Variants in CLN6 observed in about 807,000 individuals in gnomAD.
The protein encoded by CLN6 is CLN6 transmembrane ER protein.
In CLN6, 22 loss-of-function variants were observed where a neutral mutation model predicts 33.3. That is an observed-to-expected ratio of 0.66 (90% confidence interval 0.47 to 0.94). The LOEUF (loss-of-function observed/expected upper bound fraction) is 0.94. Ranked by LOEUF, CLN6 falls within the 40% of genes least tolerant of loss-of-function variation. The pLI is 0.00. For synonymous variants in CLN6, 201 were observed against 174.6 expected (o/e 1.15, Z -1.19); for missense variants, 387 against 417.1 (o/e 0.93, Z 0.63).
At chr15:68,216,379 A>G (rs1007503727) in intron 2 of CLN6, among the ~76,000 whole-genome samples, 10 of 152,180 alleles carry the variant, frequency 6.6e-5, no homozygotes, top group African/African-American at 2.4e-4. Context: ...AAACCCAACC[A>G]GATGCCCCAA....
rs1050324667 is a variant in CLN6 at position 68,227,037 on chromosome 15, T to C, written c.83+2465A>G. 1.8e-4 allele frequency among the ~76,000 whole-genome samples: 27 copies of C among 151,352 alleles called. No homozygotes were observed. Among genetic ancestry groups the C allele is most frequent in the African/African-American group, 6.6e-4 (27 of 41,034 alleles). ...AATTATAATACTTTCTTTTCTTTTC[T>C]TTTTTTACTTTTTTTTTTTTTTGAG... On this transcript the variant is annotated intron_variant, in intron 1 of 6. Coordinates refer to ENST00000249806, the MANE Select transcript of CLN6 (RefSeq NM_017882.3). This position sits in a 1 kb window ranked among gnomAD's most constrained non-coding sequence, Gnocchi z 4.1.
At chr15:68,244,945 T>C (rs188806448) in intron 1 of CLN6, among the ~76,000 whole-genome samples, 1 of 148,306 alleles carries the variant, frequency 6.7e-6, no homozygotes, top group Non-Finnish European at 1.5e-5. Context: ...TCCCACCTAC[T>C]TGGGACGCTG....
chr15:68,237,301 G>C (rs918915025), intron 1 of CLN6, among the ~76,000 whole-genome samples: 7 of 150,174 alleles, frequency 4.7e-5, no homozygotes, highest in African/African-American at 1.7e-4. Flanking sequence ...GCAACATAGC[G>C]AGACCCCTAT....
rs1446541596 is a variant in CLN6, at chr15:68,219,782, T to C, written c.84-1132A>G. On this transcript the variant is annotated intron_variant, in intron 1 of 6. Coordinates refer to ENST00000249806, the MANE Select transcript of CLN6 (RefSeq NM_017882.3). This position sits in a 1 kb window ranked among gnomAD's most constrained non-coding sequence, Gnocchi z 4.2. ...CTCTTTACAGAGTCCCTGCAATTAC[T>C]TGCACACCTCCAGGGACAAGCAGCC... Among the ~76,000 whole-genome samples the C allele has an allele frequency of 1.3e-5, 2 of 152,124 alleles. No individual in the cohort carries two copies. The highest frequency in any genetic ancestry group is 4.8e-5 in the African/African-American group (2 of 41,418).
intron 1 of CLN6, among the ~76,000 whole-genome samples, chr15:68,253,870 ATT>A (rs5813479): frequency 2.8e-5 from 4 of 141,852 alleles, no homozygotes; most frequent in Non-Finnish European, 3.0e-5. Flanking sequence ...ATAAAACTAC[ATT>A]TTTTTTTTTT....
chr15:68,218,316 T>A (rs1485327325), intron 2 of CLN6: 1 of 483,666 alleles, frequency 2.1e-6, no homozygotes, highest in Non-Finnish European at 3.9e-6. Context: ...AGTTCCCCCA[T>A]GAGAGTTGGG....
chr15:68,211,823 G>A lies in CLN6; in HGVS notation c.338C>T (p.Thr113Met), dbSNP rs758830997. ...RSPRTLPRSI[T>M]YVSIIIFIMG... Reference sequence around the variant, plus strand: ...GATGAAGATGATGATGCTCACGTACGTGATGGAGCGTGGCAGGGTGCGGGG... The same window carrying A: ...GATGAAGATGATGATGCTCACGTACATGATGGAGCGTGGCAGGGTGCGGGG... The change falls in exon 4 of 7, where the codon ACG becomes ATG. Residue 113 changes from threonine to methionine, a missense_variant. By Grantham distance (81) the Thr-to-Met change is moderately conservative. Coordinates refer to ENST00000249806, the MANE Select transcript of CLN6 (RefSeq NM_017882.3). The surrounding 1 kb of genome is among the most constrained non-coding windows in gnomAD (Gnocchi z 5.9). The A allele has an allele frequency of 1.9e-5, 31 of 1,613,816 alleles. No individual in the cohort carries two copies. Among genetic ancestry groups the A allele is most frequent in the South Asian group, 8.8e-5 (8 of 91,088 alleles).
rs1232177986 is a variant in CLN6 at position 68,242,005 on chromosome 15, A to G, written c.179+14685T>C. Reference sequence around the variant, plus strand: ...CCACACAGAGAAGACTAGAATAAATAAATAATCCTTCAATGCAAAGATGTA... The same window carrying G: ...CCACACAGAGAAGACTAGAATAAATGAATAATCCTTCAATGCAAAGATGTA... On this transcript the variant is annotated intron_variant, in intron 1 of 6. Coordinates refer to the CLN6 transcript ENST00000538696. The surrounding 1 kb of genome is among the most constrained non-coding windows in gnomAD (Gnocchi z 5.0). Among the ~76,000 whole-genome samples, 1 of 152,204 alleles carries G rather than the reference A, an allele frequency of 6.6e-6. No individual in the cohort carries two copies. The highest frequency in any genetic ancestry group is 1.5e-5 in the Non-Finnish European group (1 of 68,034).
In CLN6 at chr15:68,225,625, G is replaced by A. The variant is rs542698504; in HGVS notation, c.83+3877C>T. On this transcript the variant is annotated intron_variant, in intron 1 of 6. Transcript: ENST00000249806. Reference sequence around the variant, plus strand: ...AGCCTCCTGAGTAGCTGGGACCACAGAAAGGCATGTGCTGTCACACATGGC... The same window carrying A: ...AGCCTCCTGAGTAGCTGGGACCACAAAAAGGCATGTGCTGTCACACATGGC... Among the ~76,000 whole-genome samples the A allele has an allele frequency of 2.6e-5, 4 of 152,306 alleles. No individual in the cohort carries two copies. The South Asian group carries it at 8.3e-4, about 32-fold the overall frequency.
chr15:68,257,151 G>A (rs1420885838), upstream of CLN6: 2 of 321,984 alleles, frequency 6.2e-6, no homozygotes, highest in Non-Finnish European at 1.1e-5. Context: ...GGTGCCCAGG[G>A]GCTGGAGGCA....
chr15:68,222,748 T>C (rs1246976639), intron 1 of CLN6, among the ~76,000 whole-genome samples: 1 of 152,178 alleles, frequency 6.6e-6, no homozygotes, highest in African/African-American at 2.4e-5. Flanking sequence ...TAGAAAGAAG[T>C]AGACATAGGA....
intron 1 of CLN6, among the ~76,000 whole-genome samples, chr15:68,243,567 C>T (rs1411823723): frequency 6.6e-6 from 1 of 151,752 alleles, no homozygotes; most frequent in East Asian, 1.9e-4. Flanking sequence ...CCAGCCTGGC[C>T]AACATGGTGA....
Position 68,229,707 on chromosome 15 carries a change from G to A in CLN6, c.-123C>T. 2.8e-6 allele frequency: 2 copies of A among 703,624 alleles called. No homozygotes were observed. Among genetic ancestry groups the A allele is most frequent in the Non-Finnish European group, 2.0e-6 (1 of 497,550 alleles). The allele number at this position is 703,624 out of a possible 1,614,324, so 43.6% of individuals were successfully genotyped here. ...CGGTTCGGGGCGGGCCGGCGAGAGC[G>A]CGCGGCCCTCGGGAGGAACAGGCGG... On this transcript the variant is annotated 5_prime_UTR_variant, in exon 1 of 7. Coordinates refer to ENST00000249806, the MANE Select transcript of CLN6 (RefSeq NM_017882.3).
At position 68,209,961 on chromosome 15, in the gene CLN6, C is replaced by T. The variant is rs993680041; in HGVS notation, c.543-202G>A. On this transcript the variant is annotated intron_variant, in intron 5 of 6. Coordinates refer to ENST00000249806, the MANE Select transcript of CLN6 (RefSeq NM_017882.3). This position sits in a 1 kb window ranked among gnomAD's most constrained non-coding sequence, Gnocchi z 4.9. ...GACAGAAACAGAAACAGGAAGGCAA[C>T]GCACGTGTGAGTCAGAGGCCCAGAG... 2.0e-5 allele frequency among the ~76,000 whole-genome samples: 3 copies of T among 152,112 alleles called. No homozygotes were observed. Among genetic ancestry groups the T allele is most frequent in the Non-Finnish European group, 2.9e-5 (2 of 68,020 alleles).
At chr15:68,225,630 G>C (rs1349100010) in intron 1 of CLN6, among the ~76,000 whole-genome samples, 1 of 152,126 alleles carries the variant, frequency 6.6e-6, no homozygotes, top group Non-Finnish European at 1.5e-5. Flanking sequence ...CCACAGAAAG[G>C]CATGTGCTGT....
At chr15:68,252,119 C>G (rs1435557371) in intron 1 of CLN6, among the ~76,000 whole-genome samples, 1 of 152,026 alleles carries the variant, frequency 6.6e-6, no homozygotes, top group East Asian at 1.9e-4. Context: ...GATGTACAGG[C>G]AGGCACCACC....
chr15:68,245,935 T>G (rs1234292224), intron 1 of CLN6, among the ~76,000 whole-genome samples: 1 of 152,054 alleles, frequency 6.6e-6, no homozygotes, highest in African/African-American at 2.4e-5. Flanking sequence ...TTACATAAAA[T>G]AGACTACAAG....
In CLN6 at chr15:68,210,668, G is replaced by A. The variant is rs764865024; in HGVS notation, c.542+595C>T. On this transcript the variant is annotated intron_variant, in intron 5 of 6. Coordinates refer to ENST00000249806, the MANE Select transcript of CLN6 (RefSeq NM_017882.3). The surrounding 1 kb of genome is among the most constrained non-coding windows in gnomAD (Gnocchi z 5.6). ...AGATGAAGCCTCCCAGCCTGGGCCC[G>A]GGATCTCCTGAGGCTGAGACCACAT... Among the ~76,000 whole-genome samples, 1 of 152,130 alleles carries A rather than the reference G, an allele frequency of 6.6e-6. No individual in the cohort carries two copies.
At chr15:68,255,979 G>A (rs1892430742) in intron 1 of CLN6, among the ~76,000 whole-genome samples, 1 of 150,402 alleles carries the variant, frequency 6.6e-6, no homozygotes, top group Admixed American at 6.6e-5. Context: ...TGTACAGACA[G>A]GGTCCCACTA....
Sources: allele counts gnomAD v4.1 joint callset (sites outside exome capture counted in the v4.1 genomes callset), GRCh38; gene constraint gnomAD v4.1.1; non-coding constraint Gnocchi (gnomAD v3.1); transcripts MANE v1.5; gene names NCBI Gene and HGNC (gene_info 2026-07-23, HGNC 2026-07-21).